The following DCDC1 variants were observed in gnomAD, a reference collection of about 807,000 sequenced individuals.
DCDC1 encodes the protein doublecortin domain-containing protein 1.
Under a neutral mutation model 178.3 loss-of-function variants are expected in DCDC1, and 200 were observed. The observed-to-expected ratio is 1.12, with a 90% CI of 1.00 to 1.26. The LOEUF (loss-of-function observed/expected upper bound fraction) is 1.26, where lower values mean the gene tolerates loss of function less well. DCDC1 is among the 50% of genes most tolerant of loss of function. The pLI, the probability that DCDC1 is intolerant of heterozygous loss-of-function variation, is 0.00. For missense variants in DCDC1, 1,983 were observed against 1,749.2 expected, an observed-to-expected ratio of 1.13 and a Z score of -2.38; for synonymous variants, 690 against 604.8, an observed-to-expected ratio of 1.14 and a Z score of -2.07.
intron 6 of DCDC1, among the ~76,000 whole-genome samples, chr11:31,298,541 C>A (rs1422374729): frequency 6.6e-6 from 1 of 152,174 alleles, no homozygotes; most frequent in Non-Finnish European, 1.5e-5. Context: ...TGTTCATATA[C>A]TCTCCCAAAG....
chr11:31,347,806 A>C (rs1323727831), intron 1 of DCDC1, among the ~76,000 whole-genome samples: 1 of 152,268 alleles, frequency 6.6e-6, no homozygotes, highest in Non-Finnish European at 1.5e-5. Context: ...GTTATACCTG[A>C]ATAAAGAGGT....
intron 18 of DCDC1, among the ~76,000 whole-genome samples, chr11:31,077,374 T>A (rs1197447116): frequency 2.6e-5 from 4 of 152,226 alleles, no homozygotes; most frequent in Non-Finnish European, 5.9e-5. Context: ...AATGTATTTA[T>A]CCCTTCTACT....
At chr11:31,031,141 T>C (rs1190719915) in intron 20 of DCDC1, among the ~76,000 whole-genome samples, 1 of 152,130 alleles carries the variant, frequency 6.6e-6, no homozygotes, top group Non-Finnish European at 1.5e-5. Flanking sequence ...TTAAAGAATT[T>C]TGAATCACGA....
At chr11:31,275,662 G>A (rs577818902) in intron 7 of DCDC1, among the ~76,000 whole-genome samples, 15 of 152,090 alleles carry the variant, frequency 9.9e-5, no homozygotes, top group African/African-American at 3.4e-4. Flanking sequence ...GCACCACTAC[G>A]CCTGGCTAAT....
At chr11:30,950,841 A>G (rs1352774866) in intron 21 of DCDC1, among the ~76,000 whole-genome samples, 1 of 152,104 alleles carries the variant, frequency 6.6e-6, no homozygotes, top group Non-Finnish European at 1.5e-5. Context: ...ATTTTTAAAT[A>G]ACCAAAATAG....
intron 21 of DCDC1, among the ~76,000 whole-genome samples, chr11:30,940,975 TC>T (rs1200912736): frequency 6.6e-6 from 1 of 152,238 alleles, no homozygotes; most frequent in East Asian, 1.9e-4. Context: ...CATTATGCTT[TC>T]TTCTTCGTCT....
At chr11:30,920,197 G>A (rs1946144178) in intron 25 of DCDC1, among the ~76,000 whole-genome samples, 1 of 152,192 alleles carries the variant, frequency 6.6e-6, no homozygotes, top group Non-Finnish European at 1.5e-5. Context: ...GAATGCAAAT[G>A]AGGGTCAATG....
intron 38 of DCDC1, among the ~76,000 whole-genome samples, chr11:30,874,346 T>C (rs1941922678): frequency 6.6e-6 from 1 of 152,140 alleles, no homozygotes; most frequent in Non-Finnish European, 1.5e-5. Flanking sequence ...ACACCAGGTG[T>C]TTCTTGTGCA....
chr11:30,957,433 C>A (rs1030825676), intron 20 of DCDC1, among the ~76,000 whole-genome samples: 1 of 152,112 alleles, frequency 6.6e-6, no homozygotes, highest in African/African-American at 2.4e-5. Flanking sequence ...TTTTACATTA[C>A]CGAAGTCAAA....
intron 36 of DCDC1, among the ~76,000 whole-genome samples, chr11:30,889,944 A>T (rs1180348523): frequency 6.6e-6 from 1 of 152,210 alleles, no homozygotes; most frequent in Admixed American, 6.5e-5. Context: ...GGTTAAATAA[A>T]GCCATAAGGG....
intron 9 of DCDC1, among the ~76,000 whole-genome samples, chr11:31,228,608 G>C (rs184910150): frequency 3.7e-4 from 57 of 152,018 alleles, no homozygotes; most frequent in African/African-American, 1.3e-3. Flanking sequence ...AAATCAATTA[G>C]ATGAAAAGCC....
intron 20 of DCDC1, among the ~76,000 whole-genome samples, chr11:31,048,046 C>T (rs956333792): frequency 9.9e-5 from 15 of 152,186 alleles, no homozygotes; most frequent in Non-Finnish European, 2.1e-4. Context: ...CTCATTTAAA[C>T]GTCACAATAA....
chr11:31,117,332 T>C (rs556762638), intron 11 of DCDC1, among the ~76,000 whole-genome samples: 112 of 152,078 alleles, frequency 7.4e-4, no homozygotes, highest in African/African-American at 2.7e-3. Context: ...TAGATCCTAC[T>C]TTTATCTATT....
intron 25 of DCDC1, 128 bp downstream of exon 25, chr11:30,920,648 C>G: frequency 9.4e-7 from 1 of 1,063,412 alleles, no homozygotes; most frequent in Non-Finnish European, 1.3e-6. Flanking sequence ...TAAATACTAG[C>G]TCTTCAGCTG....
At chr11:31,166,780 T>C (rs560799317) in intron 9 of DCDC1, among the ~76,000 whole-genome samples, 3 of 152,266 alleles carry the variant, frequency 2.0e-5, no homozygotes, top group East Asian at 3.9e-4. Context: ...TTTTTGCAAA[T>C]AGAAGTGACC....
chr11:30,889,517 C>G (rs1341238504), intron 36 of DCDC1, among the ~76,000 whole-genome samples: 3 of 152,310 alleles, frequency 2.0e-5, no homozygotes, highest in African/African-American at 7.2e-5. Flanking sequence ...CTGTCATTAG[C>G]CAGACACCCC....
Position 31,160,481 on chromosome 11 carries a change from T to A in DCDC1, c.1222-22697A>T, listed in dbSNP as rs1298459663. 2.0e-5 allele frequency among the ~76,000 whole-genome samples: 3 copies of A among 152,194 alleles called. No homozygotes were observed. The East Asian group carries it at 5.8e-4, about 29-fold the overall frequency. ...TTGGAGGATTATAGATGTGTTTTCATGCTAGATCATCTGGAATACAATTAT... is the reference window on the plus strand; with the variant it reads ...TTGGAGGATTATAGATGTGTTTTCAAGCTAGATCATCTGGAATACAATTAT... On this transcript the variant is annotated intron_variant, in intron 9 of 38. Transcript: ENST00000684477.
chr11:31,348,121 C>T (rs1240864928), intron 1 of DCDC1, among the ~76,000 whole-genome samples: 1 of 152,182 alleles, frequency 6.6e-6, no homozygotes, highest in Non-Finnish European at 1.5e-5. Context: ...TTACTCTTAT[C>T]TATATTAATA....
At chr11:30,881,389 A>G in intron 36 of DCDC1, 81 bp from the exon 37 acceptor site, 1 of 1,513,540 alleles carries the variant, frequency 6.6e-7, no homozygotes, top group Non-Finnish European at 9.0e-7. Context: ...TCTTCTGAGA[A>G]AACTATTATC....
Sources: gnomAD v4.1 joint callset for allele counts (sites outside exome capture counted in the v4.1 genomes callset) on GRCh38, gnomAD v4.1.1 for gene constraint, MANE v1.5 for transcripts, NCBI Gene and HGNC (gene_info 2026-07-23, HGNC 2026-07-21) for gene names.